The following ATP6V0A4 variants were observed in gnomAD, a reference collection of about 807,000 sequenced individuals.
The protein encoded by ATP6V0A4 is ATPase H+ transporting V0 subunit a4.
In ATP6V0A4, 86 loss-of-function variants were observed where a neutral mutation model predicts 107.3. That is an observed-to-expected ratio of 0.80 (90% CI 0.67 to 0.96). The LOEUF is 0.96. ATP6V0A4 is among the 40% of genes least tolerant of loss of function. The pLI is 0.00. For synonymous variants in ATP6V0A4, 353 were observed against 381.4 expected (o/e 0.93, Z 0.87); for missense variants, 908 against 1,045.6 (o/e 0.87, Z 1.81).
Position 138,756,557 on chromosome 7 carries a change from A to C in ATP6V0A4, c.640-17T>G. On this transcript the variant is annotated splice_polypyrimidine_tract_variant and intron_variant, in intron 8 of 21. Coordinates refer to ENST00000310018, the MANE Select transcript of ATP6V0A4 (RefSeq NM_020632.3). ...TTCTTCTTTCTGGAAAATCAGAATA[A>C]GTTAAAAAAAAAGGGGGGGGTTTCT... 6.3e-7 allele frequency: 1 copy of C among 1,582,034 alleles called. No homozygotes were observed. The highest frequency in any genetic ancestry group is 8.6e-7 in the Non-Finnish European group (1 of 1,164,368).
intron 15 of ATP6V0A4, among the ~76,000 whole-genome samples, chr7:138,738,291 A>C (rs889186674): frequency 6.6e-6 from 1 of 152,096 alleles, no homozygotes; most frequent in African/African-American, 2.4e-5. Context: ...ACTCAGGATC[A>C]CTCAGTTCTG....
intron 2 of ATP6V0A4, among the ~76,000 whole-genome samples, chr7:138,785,111 T>C (rs1451174499): frequency 6.6e-6 from 1 of 152,112 alleles, no homozygotes; most frequent in African/African-American, 2.4e-5. Flanking sequence ...GCTAAAATGT[T>C]TGCAAGGAAT....
intron 15 of ATP6V0A4, among the ~76,000 whole-genome samples, chr7:138,739,237 A>G (rs910343858): frequency 6.6e-6 from 1 of 152,206 alleles, no homozygotes; most frequent in Admixed American, 6.5e-5. Flanking sequence ...CTCATGTAAT[A>G]TGCATACTCC....
intron 2 of ATP6V0A4, among the ~76,000 whole-genome samples, chr7:138,777,211 C>T (rs913299867): frequency 2.0e-5 from 3 of 151,978 alleles, no homozygotes; most frequent in African/African-American, 7.2e-5. Context: ...GGGGCCAAGC[C>T]ATGCCCCAAG....
chr7:138,775,388 A>G (rs1420905087), intron 2 of ATP6V0A4, among the ~76,000 whole-genome samples: 1 of 152,052 alleles, frequency 6.6e-6, no homozygotes, highest in Non-Finnish European at 1.5e-5. Context: ...TACACACACA[A>G]ACACACATAA....
chr7:138,739,062 A>G (rs1451728012), intron 15 of ATP6V0A4, among the ~76,000 whole-genome samples: 1 of 152,244 alleles, frequency 6.6e-6, no homozygotes, highest in Non-Finnish European at 1.5e-5. Flanking sequence ...TAGATATAAC[A>G]AACATAAAAT....
intron 12 of ATP6V0A4, among the ~76,000 whole-genome samples, chr7:138,748,106 G>T (rs954060483): frequency 1.3e-5 from 2 of 151,454 alleles, no homozygotes; most frequent in Non-Finnish European, 2.9e-5. Context: ...GAGGCTTACA[G>T]AAGCTAAGTG....
Position 138,781,843 on chromosome 7 carries a change from C to CT in ATP6V0A4, c.-18+4314dup, listed in dbSNP as rs200102016. Among the ~76,000 whole-genome samples the CT allele has an allele frequency of 1.8e-3, 131 of 72,800 alleles. 2 individuals carry two copies. Among genetic ancestry groups the CT allele is most frequent in the East Asian group, 7.9e-3 (17 of 2,144 alleles). The allele number at this position is 72,800 out of a possible 152,430, so 47.8% of individuals were successfully genotyped here. A position where few individuals can be genotyped will look rare whatever the true frequency, so the allele number is the denominator to read the frequency against. The stretch of plus-strand genomic sequence containing the variant: ...GAAATTTTTCTCTGTCTCTCTCTCT[C>CT]TTTTTTTTTTTTTTTGTAGAGTTTG... On this transcript the variant is annotated intron_variant, in intron 2 of 21. Transcript: ENST00000310018.
rs1803386306 is a variant in ATP6V0A4, at chr7:138,706,734, G to T, written c.2430-17C>A. The T allele has an allele frequency of 6.2e-7, 1 of 1,612,772 alleles. No individual in the cohort carries two copies. The highest frequency in any genetic ancestry group is 8.5e-7 in the Non-Finnish European group (1 of 1,179,626). On this transcript the variant is annotated splice_polypyrimidine_tract_variant and intron_variant, in intron 21 of 21. Transcript: ENST00000310018. ...AACTCAACCCTGTTGTTGAGGGGAGGCCGTGGGGTAAGAAATGGGAGATTG... is the reference window on the plus strand; with the variant it reads ...AACTCAACCCTGTTGTTGAGGGGAGTCCGTGGGGTAAGAAATGGGAGATTG...
Position 138,752,828 on chromosome 7 carries a change from G to C in ATP6V0A4, c.826C>G (p.Gln276Glu). Residue 276 changes from glutamine (Q) to glutamate (E), a missense_variant, in exon 11 of 22, where the codon CAA (glutamine) becomes GAA (glutamate). Transcript: ENST00000310018. ...RLEDLITVIT[Q>E]TESHRQRLLQ... ...AGGCGCTGGCGGTGAGACTCTGTTT[G>C]TGTTATGACCTATACAAAAAACAAC... is the stretch of plus-strand genomic sequence containing the variant. The C allele has an allele frequency of 6.2e-7, 1 of 1,613,994 alleles. No individual in the cohort carries two copies. The highest frequency in any genetic ancestry group is 8.5e-7 in the Non-Finnish European group (1 of 1,180,022).
chr7:138,755,935 A>C, intron 9 of ATP6V0A4, 153 bp from the exon 10 acceptor site: 5 of 1,392,574 alleles, frequency 3.6e-6, no homozygotes, highest in Non-Finnish European at 4.9e-6. Flanking sequence ...AAGGAGTCCC[A>C]GTCATAAGGG....
At chr7:138,771,018 T>C in intron 3 of ATP6V0A4, 113 bp downstream of exon 3, 10 of 1,084,238 alleles carry the variant, frequency 9.2e-6, no homozygotes, top group Middle Eastern at 2.4e-4. Context: ...CGATTCCAGC[T>C]CACGGCTCCT....
chr7:138,745,219 T>C lies in ATP6V0A4; in HGVS notation c.1382A>G (p.Tyr461Cys). 6.2e-7 allele frequency: 1 copy of C among 1,614,174 alleles called. No individual in the cohort carries two copies. Among genetic ancestry groups the C allele is most frequent in the Non-Finnish European group, 8.5e-7 (1 of 1,180,012 alleles). ...GCAGTCATTGTAGATCAAACCCGTG[T>C]AGATGGAGAAGATGCCCATAAGTAG... Reference protein sequence around the residue: ...LILLMGIFSIYTGLIYNDCFS... With the variant: ...LILLMGIFSICTGLIYNDCFS... Residue 461 changes from tyrosine (Y) to cysteine (C), a missense_variant, in exon 14 of 22, where the codon TAC (tyrosine) becomes TGC (cysteine). Transcript: ENST00000310018.
intron 2 of ATP6V0A4, among the ~76,000 whole-genome samples, chr7:138,772,193 A>G (rs1447698411): frequency 6.6e-6 from 1 of 152,226 alleles, no homozygotes. Flanking sequence ...ATCAATGTCT[A>G]TCAAATCTTA....
At chr7:138,794,759 T>C (rs3778687) in intron 1 of ATP6V0A4, among the ~76,000 whole-genome samples, 88,553 of 151,968 alleles carry the variant, frequency 0.58, 25,990 homozygotes, top group South Asian at 0.65. Flanking sequence ...AGTGAGGAAA[T>C]GGGCCACATG....
rs1046546381 is a variant in ATP6V0A4 at position 138,709,268 on chromosome 7, G to A, written c.2429+356C>T. Among the ~76,000 whole-genome samples the A allele has an allele frequency of 3.4e-4, 50 of 148,814 alleles. 1 individual carries two copies. The highest frequency in any genetic ancestry group is 3.2e-3 in the Admixed American group (47 of 14,810). ...CAGATTTTCTAAGCATGTCTTCTGTGAGCCTATCTCAGATGCCACCTTGCC... is the reference window on the plus strand; with the variant it reads ...CAGATTTTCTAAGCATGTCTTCTGTAAGCCTATCTCAGATGCCACCTTGCC... On this transcript the variant is annotated intron_variant, in intron 21 of 21. Coordinates refer to ENST00000310018, the MANE Select transcript of ATP6V0A4 (RefSeq NM_020632.3).
chr7:138,745,050 C>T (rs1257121841), intron 14 of ATP6V0A4, 73 bp downstream of exon 14: 61 of 1,394,318 alleles, frequency 4.4e-5, no homozygotes, highest in Non-Finnish European at 5.8e-5. Context: ...GTGTAGACTC[C>T]CCCAACCATG....
At position 138,733,073 on chromosome 7, in the gene ATP6V0A4, T is replaced by A; in HGVS notation, c.1712A>T (p.Asn571Ile). 3 of 1,613,966 alleles carry A rather than the reference T, an allele frequency of 1.9e-6. No individual in the cohort carries two copies. Among genetic ancestry groups the A allele is most frequent in the Non-Finnish European group, 2.5e-6 (3 of 1,179,890 alleles). Reference protein sequence around the residue: ...FNHIYFRRTLNIILQFIPEMI... With the variant: ...FNHIYFRRTLIIILQFIPEMI... ...CTCAGGGATAAATTGCAGAATGATGTTGAGAGTTCTTCTGAAGTATCTGGG... is the reference window on the plus strand; with the variant it reads ...CTCAGGGATAAATTGCAGAATGATGATGAGAGTTCTTCTGAAGTATCTGGG... The change falls in exon 17 of 22, where the codon AAC becomes ATC. Residue 571 changes from asparagine to isoleucine, a missense_variant. Asn to Ile is a moderately radical substitution (Grantham distance 149, BLOSUM62 -3). Coordinates refer to ENST00000310018, the MANE Select transcript of ATP6V0A4 (RefSeq NM_020632.3).
intron 8 of ATP6V0A4, among the ~76,000 whole-genome samples, chr7:138,758,568 C>G (rs1806621745): frequency 2.0e-5 from 3 of 152,032 alleles, no homozygotes; most frequent in African/African-American, 7.2e-5. Context: ...GAAGGTGAGA[C>G]AGCAACATCC....
Sources: gnomAD v4.1 joint callset for allele counts (sites outside exome capture counted in the v4.1 genomes callset) on GRCh38, gnomAD v4.1.1 for gene constraint, MANE v1.5 for transcripts, NCBI Gene and HGNC (gene_info 2026-07-23, HGNC 2026-07-21) for gene names.